SASH1: variants seen among roughly 807,000 people sequenced by gnomAD.
SASH1 encodes SAM and SH3 domain-containing protein 1.
In SASH1, 44 loss-of-function variants were observed where a neutral mutation model predicts 125.2. The observed-to-expected ratio is 0.35, with a 90% confidence interval of 0.28 to 0.45. The LOEUF is 0.45. Ranked by LOEUF, SASH1 falls within the 20% of genes least tolerant of loss-of-function variation. The probability of loss-of-function intolerance (pLI) is 1.00; values close to 1 mark genes in which losing one functional copy is unlikely to be tolerated. For missense variants in SASH1, 1,426 were observed against 1,614.5 expected (o/e 0.88, Z 2.00); for synonymous variants, 639 against 649.1 (o/e 0.98, Z 0.24).
At chr6:148,285,780 G>A (rs1335952611) in intron 1 of SASH1, among the ~76,000 whole-genome samples, 2 of 152,110 alleles carry the variant, frequency 1.3e-5, no homozygotes, top group Non-Finnish European at 2.9e-5. Context: ...GAAAGGAAGC[G>A]CCAACAGTTT....
chr6:148,257,537 A>G, the SASH1 span, among the ~76,000 whole-genome samples: 2 of 151,610 alleles, frequency 1.3e-5, no homozygotes, highest in African/African-American at 4.9e-5. Context: ...TCCTTTCAGT[A>G]TGCTTCTCCC....
intron 1 of SASH1, among the ~76,000 whole-genome samples, chr6:148,358,953 T>C (rs895706387): frequency 6.6e-6 from 1 of 152,074 alleles, no homozygotes; most frequent in Non-Finnish European, 1.5e-5. Context: ...GCCAGGATGG[T>C]CTTGATCTCC....
chr6:148,204,294 C>T, the SASH1 span, among the ~76,000 whole-genome samples: 2 of 152,188 alleles, frequency 1.3e-5, no homozygotes, highest in African/African-American at 4.8e-5. Context: ...CCACCACAAT[C>T]GACAGTACAA....
chr6:148,253,385 C>G, the SASH1 span, among the ~76,000 whole-genome samples: 1 of 152,074 alleles, frequency 6.6e-6, no homozygotes, highest in African/African-American at 2.4e-5. Flanking sequence ...AGCTGGACCC[C>G]TACCTTACAC....
At chr6:148,408,257 G>A (rs368689993) in intron 2 of SASH1, among the ~76,000 whole-genome samples, 5 of 147,210 alleles carry the variant, frequency 3.4e-5, no homozygotes, top group African/African-American at 5.0e-5. Flanking sequence ...ACAGGTGCCC[G>A]CCACCACGCC....
At chr6:148,281,514 A>G (rs17705849) in intron 1 of SASH1, among the ~76,000 whole-genome samples, 5,429 of 152,252 alleles carry the variant, frequency 0.036, 118 homozygotes, top group South Asian at 0.062. Context: ...CAAGGAAGAA[A>G]TGGGACCGAC....
rs987128130 is a variant in SASH1, at chr6:148,525,144, T to C, written c.1210-147T>C. 9 of 661,048 alleles carry C rather than the reference T, an allele frequency of 1.4e-5. No homozygotes were observed. In the African/African-American group the frequency reaches 1.6e-4, roughly 12 times the overall value. The allele number at this position is 661,048 out of a possible 1,614,324, so 40.9% of individuals were successfully genotyped here. On this transcript the variant is annotated intron_variant, in intron 10 of 19. Transcript: ENST00000367467. ...CCTTACGACATGACTCATGTGTTTT[T>C]TTCTCATCATTTCTCGTTTTCTACT...
intron 2 of SASH1, among the ~76,000 whole-genome samples, chr6:148,426,298 C>G (rs1249597972): frequency 2.0e-5 from 3 of 152,114 alleles, no homozygotes; most frequent in Non-Finnish European, 2.9e-5. Flanking sequence ...GCAGTGCGCT[C>G]TCATTGTCAG....
chr6:148,410,172 G>A (rs530741602), intron 2 of SASH1, among the ~76,000 whole-genome samples: 37 of 130,954 alleles, frequency 2.8e-4, no homozygotes, highest in Non-Finnish European at 4.2e-4. Context: ...GTGCAGTGGC[G>A]CGATCTTGGC....
At chr6:148,291,835 A>T (rs1210932728) in intron 1 of SASH1, among the ~76,000 whole-genome samples, 1 of 152,192 alleles carries the variant, frequency 6.6e-6, no homozygotes, top group Non-Finnish European at 1.5e-5. Context: ...TGTCATTGTT[A>T]TTCTTGTTGT....
At chr6:148,416,124 A>C (rs1784806040) in intron 2 of SASH1, among the ~76,000 whole-genome samples, 1 of 152,208 alleles carries the variant, frequency 6.6e-6, no homozygotes, top group Non-Finnish European at 1.5e-5. Flanking sequence ...GTGTACCCTC[A>C]GATGGCCCAC....
chr6:148,457,855 A>G (rs1777433839), intron 4 of SASH1, among the ~76,000 whole-genome samples: 1 of 152,170 alleles, frequency 6.6e-6, no homozygotes, highest in South Asian at 2.1e-4. Context: ...GAAGGAGAAG[A>G]ATGTGTGCCA....
At chr6:148,283,816 G>A (rs891095350) in intron 1 of SASH1, among the ~76,000 whole-genome samples, 3 of 152,022 alleles carry the variant, frequency 2.0e-5, no homozygotes, top group Non-Finnish European at 4.4e-5. Context: ...TGACTACCTG[G>A]CTCTGATACT....
chr6:148,210,743 T>TTATAATTATAAAA, the SASH1 span, among the ~76,000 whole-genome samples: 2 of 152,190 alleles, frequency 1.3e-5, no homozygotes, highest in Non-Finnish European at 2.9e-5. Context: ...AGAGTTAGTT[T>TTATAATTATAAAA]GGTCATTATA....
At chr6:148,394,668 G>A (rs991744122) in intron 2 of SASH1, among the ~76,000 whole-genome samples, 1 of 151,662 alleles carries the variant, frequency 6.6e-6, no homozygotes, top group African/African-American at 2.4e-5. Context: ...TTTTGAGATG[G>A]AGTTTCACTT....
chr6:148,353,182 C>T (rs563215933), intron 1 of SASH1, among the ~76,000 whole-genome samples: 1 of 152,032 alleles, frequency 6.6e-6, no homozygotes, highest in African/African-American at 2.4e-5. Flanking sequence ...GATTCACCTG[C>T]CTCAGCCTCC....
chr6:148,531,817 T>G (rs1487908631), intron 13 of SASH1, among the ~76,000 whole-genome samples, 156 bp downstream of exon 13: 1 of 151,938 alleles, frequency 6.6e-6, no homozygotes, highest in Non-Finnish European at 1.5e-5. Flanking sequence ...GGACTCAGAG[T>G]CGTGTTTGTT....
intron 2 of SASH1, among the ~76,000 whole-genome samples, chr6:148,427,422 ACT>A (rs1280633979): frequency 4.6e-5 from 7 of 152,080 alleles, no homozygotes; most frequent in African/African-American, 1.4e-4. Context: ...ATAACATGAC[ACT>A]CTGGTGTTTT....
chr6:148,236,184 TG>T, the SASH1 span, among the ~76,000 whole-genome samples: 2 of 152,030 alleles, frequency 1.3e-5, no homozygotes, highest in Admixed American at 6.6e-5. Context: ...CAGACTAAAT[TG>T]GGCTGCTTAA....
Sources: gnomAD v4.1 joint callset for allele counts (sites outside exome capture counted in the v4.1 genomes callset) on GRCh38, gnomAD v4.1.1 for gene constraint, MANE v1.5 for transcripts, NCBI Gene and HGNC (gene_info 2026-07-23, HGNC 2026-07-21) for gene names.